LRP12: variants seen among roughly 807,000 people sequenced by gnomAD.
LRP12 encodes the protein LDL receptor related protein 12.
Under a neutral mutation model 66.0 loss-of-function variants are expected in LRP12, and 14 were observed. The observed-to-expected ratio is 0.21, with a 90% CI of 0.14 to 0.33. LRP12 has a LOEUF of 0.33. Ranked by LOEUF, LRP12 falls within the 10% of genes least tolerant of loss-of-function variation. The probability of loss-of-function intolerance (pLI) is 1.00; values close to 1 mark genes in which losing one functional copy is unlikely to be tolerated. For synonymous variants in LRP12, 357 were observed against 359.1 expected (o/e 0.99, Z 0.07); for missense variants, 889 against 1,053.4 (o/e 0.84, Z 2.16).
At chr8:104,539,752 T>G (rs1022293247) in intron 1 of LRP12, among the ~76,000 whole-genome samples, 1 of 152,058 alleles carries the variant, frequency 6.6e-6, no homozygotes, top group African/African-American at 2.4e-5. Context: ...AAGAATCTTA[T>G]AGATAATTCA....
intron 1 of LRP12, among the ~76,000 whole-genome samples, chr8:104,552,391 C>T (rs1383484045): frequency 6.0e-5 from 9 of 148,918 alleles, no homozygotes; most frequent in South Asian, 2.1e-4. Flanking sequence ...TTTTTTTTGC[C>T]GGGCGTGGTG....
chr8:104,490,279 G>A lies in LRP12; in HGVS notation c.*394C>T, dbSNP rs1328292580. 1.3e-5 allele frequency: 2 copies of A among 159,080 alleles called. No homozygotes were observed. The highest frequency in any genetic ancestry group is 2.8e-5 in the Non-Finnish European group (2 of 72,538). 9.9% of individuals were successfully genotyped at this position (159,080 alleles called of 1,614,324 possible). A position where few individuals can be genotyped will look rare whatever the true frequency, so the allele number is the denominator to read the frequency against. On this transcript the variant is annotated 3_prime_UTR_variant, in exon 7 of 7. Transcript: ENST00000276654. ...TCTAGTATATTAAGTTACAAGATGT[G>A]TTGGCAAAAGCATAAACGTTTCAAT...
At chr8:104,574,935 A>C (rs1175657270) in intron 1 of LRP12, among the ~76,000 whole-genome samples, 2 of 152,182 alleles carry the variant, frequency 1.3e-5, no homozygotes, top group Non-Finnish European at 2.9e-5. Flanking sequence ...GGAACCAGGA[A>C]GACTCCCCAA....
chr8:104,536,607 A>G (rs1254352924), intron 1 of LRP12, among the ~76,000 whole-genome samples: 1 of 152,100 alleles, frequency 6.6e-6, no homozygotes, highest in African/African-American at 2.4e-5. Context: ...TTGAAAATAT[A>G]TAAAACAGAA....
chr8:104,511,365 A>G (rs1452683410), intron 2 of LRP12, among the ~76,000 whole-genome samples: 2 of 150,144 alleles, frequency 1.3e-5, no homozygotes, highest in South Asian at 4.2e-4. Context: ...AAGAGATGAG[A>G]TCTCACTATG....
At chr8:104,525,980 A>T (rs1298903442) in intron 2 of LRP12, among the ~76,000 whole-genome samples, 1 of 152,234 alleles carries the variant, frequency 6.6e-6, no homozygotes. Context: ...CAACTTCAGC[A>T]GTCTCACGAT....
At chr8:104,524,906 T>C (rs1049188119) in intron 2 of LRP12, among the ~76,000 whole-genome samples, 1 of 152,134 alleles carries the variant, frequency 6.6e-6, no homozygotes, top group Non-Finnish European at 1.5e-5. Context: ...CAGTTTAAAG[T>C]AGATATATTT....
chr8:104,509,372 G>A (rs894660125), intron 2 of LRP12, among the ~76,000 whole-genome samples: 2 of 152,190 alleles, frequency 1.3e-5, no homozygotes, highest in Admixed American at 1.3e-4. Flanking sequence ...GAAAATTCTG[G>A]AAATAAATAA....
intron 5 of LRP12, 39 bp from the exon 6 acceptor site, chr8:104,495,248 G>C (rs767117777): frequency 1.9e-6 from 3 of 1,586,542 alleles, no homozygotes; most frequent in Non-Finnish European, 2.6e-6. Context: ...TTAAAAGGGG[G>C]AGCGAAGAAA....
At chr8:104,538,579 T>C (rs893974087) in intron 1 of LRP12, among the ~76,000 whole-genome samples, 1 of 152,100 alleles carries the variant, frequency 6.6e-6, no homozygotes, top group African/African-American at 2.4e-5. Flanking sequence ...AATGAATGGA[T>C]TCAGCCATTG....
At chr8:104,548,295 T>TATATTAA (rs1564142055) in intron 1 of LRP12, among the ~76,000 whole-genome samples, 38 of 60,874 alleles carry the variant, frequency 6.2e-4, no homozygotes, top group African/African-American at 3.8e-3. Context: ...TATCATATAT[T>TATATTAA]TATATAATAT....
intron 1 of LRP12, among the ~76,000 whole-genome samples, chr8:104,539,725 G>A (rs1410573768): frequency 1.3e-5 from 2 of 151,528 alleles, no homozygotes; most frequent in Non-Finnish European, 2.9e-5. Context: ...TTAGTTTTAT[G>A]GTAAGACAGC....
intron 2 of LRP12, among the ~76,000 whole-genome samples, chr8:104,523,576 T>C (rs1252234968): frequency 2.0e-5 from 3 of 152,184 alleles, no homozygotes; most frequent in Non-Finnish European, 2.9e-5. Flanking sequence ...ATGTGAGCAG[T>C]TGTTATCTCC....
rs542515438 is a variant in LRP12, at chr8:104,539,207, C to T, written c.80-7244G>A. 5.9e-3 allele frequency among the ~76,000 whole-genome samples: 902 copies of T among 152,138 alleles called. 11 individuals carry two copies. The highest frequency in any genetic ancestry group is 0.02 in the African/African-American group (848 of 41,516). ...CACAAACCAGTTTGGTTTTATAAAACTGAGGAAAAATTAACAATCATTCCT... is the reference window on the plus strand; with the variant it reads ...CACAAACCAGTTTGGTTTTATAAAATTGAGGAAAAATTAACAATCATTCCT... On this transcript the variant is annotated intron_variant, in intron 1 of 6. Transcript: ENST00000276654.
At chr8:104,579,968 T>TA in intron 1 of LRP12, among the ~76,000 whole-genome samples, 1 of 151,920 alleles carries the variant, frequency 6.6e-6, no homozygotes, top group Middle Eastern at 3.4e-3. Context: ...CCCAAAACTA[T>TA]AAAAACCCTG....
intron 1 of LRP12, among the ~76,000 whole-genome samples, chr8:104,554,388 T>C (rs1285431488): frequency 6.6e-6 from 1 of 151,746 alleles, no homozygotes; most frequent in East Asian, 1.9e-4. Flanking sequence ...TGTTACAGGA[T>C]ATGGCCAGAA....
intron 1 of LRP12, among the ~76,000 whole-genome samples, chr8:104,580,787 ATGCT>A (rs1268339002): frequency 1.3e-5 from 2 of 152,180 alleles, no homozygotes; most frequent in Non-Finnish European, 2.9e-5. Context: ...AAAATAACAA[ATGCT>A]TGCGAGGTTG....
At chr8:104,554,952 G>C (rs899339650) in intron 1 of LRP12, among the ~76,000 whole-genome samples, 1 of 152,168 alleles carries the variant, frequency 6.6e-6, no homozygotes, top group Non-Finnish European at 1.5e-5. Flanking sequence ...CAAGCTAGAA[G>C]GGATTGGGGT....
Position 104,581,761 on chromosome 8 carries a change from CCT to C in LRP12, c.79+7056_79+7057del, listed in dbSNP as rs1812252179. 2.0e-5 allele frequency among the ~76,000 whole-genome samples: 3 copies of C among 152,176 alleles called. No homozygotes were observed. The South Asian group carries it at 6.2e-4, about 32-fold the overall frequency. The stretch of plus-strand genomic sequence containing the variant: ...ATGTAGACAAAAAAAAAATAATGGG[CCT>C]CTACACGAAGAGCACAGCAGTAGAC... On this transcript the variant is annotated intron_variant, in intron 1 of 6. Transcript: ENST00000276654.
Sources: allele counts gnomAD v4.1 joint callset (sites outside exome capture counted in the v4.1 genomes callset), GRCh38; gene constraint gnomAD v4.1.1; transcripts MANE v1.5; gene names NCBI Gene and HGNC (gene_info 2026-07-23, HGNC 2026-07-21).